SEMA6D: variants seen among roughly 807,000 people sequenced by gnomAD.
SEMA6D encodes semaphorin-6D.
SEMA6D carries 35 observed loss-of-function variants against 106.6 expected under a neutral mutation model. The observed-to-expected ratio is 0.33, with a 90% CI of 0.25 to 0.44. The LOEUF (loss-of-function observed/expected upper bound fraction) is 0.44, where lower values mean the gene tolerates loss of function less well. Ranked by LOEUF, SEMA6D falls within the 20% of genes least tolerant of loss-of-function variation. The pLI is 1.00. For synonymous variants in SEMA6D, 499 were observed against 487.7 expected, an observed-to-expected ratio of 1.02 and a Z score of -0.31; for missense variants, 1,185 against 1,345.9, an observed-to-expected ratio of 0.88 and a Z score of 1.87.
chr15:47,236,461 A>T (rs1230376640), intron 1 of SEMA6D, among the ~76,000 whole-genome samples: 4 of 152,186 alleles, frequency 2.6e-5, no homozygotes. Context: ...TAATAATGCA[A>T]TTAAAAAACA....
At chr15:47,436,332 A>G (rs1322734494) in intron 2 of SEMA6D, among the ~76,000 whole-genome samples, 1 of 151,692 alleles carries the variant, frequency 6.6e-6, no homozygotes, top group Non-Finnish European at 1.5e-5. Flanking sequence ...GGAGGTTGCA[A>G]TGAGCTGAGA....
At chr15:47,624,739 A>G (rs2144317597) in intron 4 of SEMA6D, among the ~76,000 whole-genome samples, 1 of 152,342 alleles carries the variant, frequency 6.6e-6, no homozygotes, top group Non-Finnish European at 1.5e-5. Flanking sequence ...AAAATGCAGG[A>G]CAAATTCATA....
chr15:47,644,047 G>GCTATATAC (rs2077536939), intron 4 of SEMA6D, among the ~76,000 whole-genome samples: 1 of 151,848 alleles, frequency 6.6e-6, no homozygotes. Context: ...TGCATCCCTG[G>GCTATATAC]CTATATACCT....
At chr15:47,758,255 T>C (rs988352792) in intron 1 of SEMA6D, among the ~76,000 whole-genome samples, 54 of 152,206 alleles carry the variant, frequency 3.5e-4, no homozygotes, top group African/African-American at 1.3e-3. Flanking sequence ...TTGGATAGCA[T>C]GCATATCTGT....
intron 1 of SEMA6D, among the ~76,000 whole-genome samples, chr15:47,371,862 A>G (rs281246): frequency 0.65 from 98,998 of 152,096 alleles, 32,935 homozygotes; most frequent in Non-Finnish European, 0.72. Context: ...ATGCTTTACA[A>G]ATATTTTCTC....
At chr15:47,607,349 C>T (rs2076802796) in intron 4 of SEMA6D, among the ~76,000 whole-genome samples, 1 of 152,136 alleles carries the variant, frequency 6.6e-6, no homozygotes, top group African/African-American at 2.4e-5. Flanking sequence ...CCTACTTTCT[C>T]AATTTATAGA....
chr15:47,196,330 T>C (rs1894356398), intron 1 of SEMA6D, among the ~76,000 whole-genome samples: 1 of 152,172 alleles, frequency 6.6e-6, no homozygotes, highest in African/African-American at 2.4e-5. Context: ...TGCAGTATTT[T>C]GGAGGCTGCA....
chr15:47,359,564 T>A (rs946711726), intron 1 of SEMA6D: 7 of 152,114 alleles, frequency 4.6e-5, no homozygotes, highest in African/African-American at 1.7e-4. Flanking sequence ...TTCTACGAAA[T>A]TAGAAGACAT....
chr15:47,514,074 C>T (rs147476254), intron 3 of SEMA6D, among the ~76,000 whole-genome samples: 52 of 152,306 alleles, frequency 3.4e-4, no homozygotes, highest in African/African-American at 1.2e-3. Context: ...GCTAAACGGA[C>T]AGTGTGGTCT....
chr15:47,280,391 T>G (rs1400646360), intron 1 of SEMA6D, among the ~76,000 whole-genome samples: 1 of 151,454 alleles, frequency 6.6e-6, no homozygotes, highest in Non-Finnish European at 1.5e-5. Context: ...TATCATTTTT[T>G]GTTGTGTCTA....
At chr15:47,689,543 C>A (rs1391671570) in intron 4 of SEMA6D, among the ~76,000 whole-genome samples, 1 of 152,190 alleles carries the variant, frequency 6.6e-6, no homozygotes, top group Non-Finnish European at 1.5e-5. Flanking sequence ...AATAAGCAGA[C>A]CTCTGCATTG....
chr15:47,450,143 G>T (rs2042144564), intron 2 of SEMA6D, among the ~76,000 whole-genome samples: 1 of 152,106 alleles, frequency 6.6e-6, no homozygotes, highest in Non-Finnish European at 1.5e-5. Context: ...CCCTCCCAAG[G>T]TGGGCTCACA....
chr15:47,465,653 A>G (rs2042635690), intron 2 of SEMA6D, among the ~76,000 whole-genome samples: 1 of 152,050 alleles, frequency 6.6e-6, no homozygotes, highest in Non-Finnish European at 1.5e-5. Flanking sequence ...TTACAAGTGC[A>G]TAGCACCTCC....
chr15:47,227,230 A>G (rs1311487321), intron 1 of SEMA6D, among the ~76,000 whole-genome samples: 1 of 152,098 alleles, frequency 6.6e-6, no homozygotes, highest in African/African-American at 2.4e-5. Flanking sequence ...ATAAAATAAT[A>G]CAGCTTAGAA....
intron 1 of SEMA6D, among the ~76,000 whole-genome samples, chr15:47,373,002 A>G (rs980968339): frequency 1.3e-5 from 2 of 152,222 alleles, no homozygotes; most frequent in Non-Finnish European, 1.5e-5. Flanking sequence ...CAGTAATTCT[A>G]CCAAGAACAC....
At chr15:47,311,709 A>C (rs2036453415) in intron 1 of SEMA6D, among the ~76,000 whole-genome samples, 1 of 152,186 alleles carries the variant, frequency 6.6e-6, no homozygotes, top group Admixed American at 6.5e-5. Flanking sequence ...ATCTATATAT[A>C]GCTTTTTCTT....
chr15:47,762,543 A>G (rs889872618), intron 8 of SEMA6D, among the ~76,000 whole-genome samples: 14 of 150,762 alleles, frequency 9.3e-5, no homozygotes, highest in Non-Finnish European at 1.6e-4. Context: ...GGTGACCTCA[A>G]AAAAAAAAGG....
At chr15:47,483,862 T>G (rs2043220881) in intron 3 of SEMA6D, among the ~76,000 whole-genome samples, 1 of 152,090 alleles carries the variant, frequency 6.6e-6, no homozygotes, top group African/African-American at 2.4e-5. Context: ...TTCCCCTCTC[T>G]TATTGTTTCT....
chr15:47,567,581 CT>C (rs766772551), intron 3 of SEMA6D, among the ~76,000 whole-genome samples: 13 of 152,188 alleles, frequency 8.5e-5, no homozygotes, highest in Non-Finnish European at 1.8e-4. Context: ...AATGTGACCT[CT>C]TTGAAAACCC....
Sources: allele counts gnomAD v4.1 joint callset (sites outside exome capture counted in the v4.1 genomes callset), GRCh38; gene constraint gnomAD v4.1.1; transcripts MANE v1.5; gene names NCBI Gene and HGNC (gene_info 2026-07-23, HGNC 2026-07-21).